PPP6R2: variants seen among roughly 807,000 people sequenced by gnomAD.
PPP6R2 encodes the protein serine/threonine-protein phosphatase 6 regulatory subunit 2.
PPP6R2 carries 62 observed loss-of-function variants against 100.2 expected under a neutral mutation model. The ratio of observed to expected loss-of-function variants is 0.62; its 90% CI spans 0.50 to 0.76. The LOEUF is 0.76. Among genes scored for constraint, PPP6R2 ranks in the 30% least tolerant of loss-of-function variants. PPP6R2 has a pLI of 0.00. For missense variants in PPP6R2, 1,142 were observed against 1,276.3 expected, an observed-to-expected ratio of 0.89 and a Z score of 1.60; for synonymous variants, 525 against 514.7, an observed-to-expected ratio of 1.02 and a Z score of -0.27.
In PPP6R2 at chr22:50,394,142, A is replaced by T. The variant is rs755626521; in HGVS notation, c.227+7A>T. 6.2e-7 allele frequency: 1 copy of T among 1,612,770 alleles called. No homozygotes were observed. Among genetic ancestry groups the T allele is most frequent in the East Asian group, 2.2e-5 (1 of 44,854 alleles). The stretch of plus-strand genomic sequence containing the variant: ...AGGAGAAGGTCCGCTTCAAGTATGT[A>T]CCAAAGCTGTGACGGGCCAGTACGC... On this transcript the variant is annotated splice_region_variant and intron_variant, in intron 3 of 23. Coordinates refer to ENST00000612753, the MANE Select transcript of PPP6R2 (RefSeq NM_001242898.2).
At position 50,369,849 on chromosome 22, in the gene PPP6R2, C is replaced by G. The variant is rs531910158; in HGVS notation, c.-147-2171C>G. Among the ~76,000 whole-genome samples, 22 of 151,820 alleles carry G rather than the reference C, an allele frequency of 1.4e-4. 1 individual carries two copies. In the South Asian group the frequency reaches 2.5e-3, roughly 17 times the overall value. On this transcript the variant is annotated intron_variant, in intron 1 of 23. Transcript: ENST00000612753. The stretch of plus-strand genomic sequence containing the variant: ...CTCCTGTGCTCAAGCAGTCCTCCCA[C>G]TCAGCCTCCCAAGTATCTGGGACCA...
At chr22:50,347,537 G>A (rs1039914676) in intron 1 of PPP6R2, among the ~76,000 whole-genome samples, 12 of 150,378 alleles carry the variant, frequency 8.0e-5, no homozygotes, top group Non-Finnish European at 1.0e-4. Context: ...ACTGTCCCCC[G>A]ACCTGCCACT....
At chr22:50,424,174 G>A (rs1304469422) in intron 10 of PPP6R2, among the ~76,000 whole-genome samples, 2 of 152,202 alleles carry the variant, frequency 1.3e-5, no homozygotes, top group Non-Finnish European at 2.9e-5. Context: ...AGAGCATGAG[G>A]CTGCTCCCCT....
At chr22:50,352,187 C>T (rs889482433) in intron 1 of PPP6R2, among the ~76,000 whole-genome samples, 3 of 151,018 alleles carry the variant, frequency 2.0e-5, no homozygotes, top group South Asian at 2.1e-4. Context: ...GTGATCCTTC[C>T]GCCTCGGCCT....
At chr22:50,337,213 GTGT>G in the PPP6R2 span, among the ~76,000 whole-genome samples, 1 of 49,700 alleles carries the variant, frequency 2.0e-5, no homozygotes, top group African/African-American at 2.0e-4. Flanking sequence ...GGTATAGTGT[GTGT>G]GGGGTATGTG....
chr22:50,336,875 T>A, the PPP6R2 span, among the ~76,000 whole-genome samples: 1 of 151,788 alleles, frequency 6.6e-6, no homozygotes, highest in Non-Finnish European at 1.5e-5. Context: ...CCCAGCTAAT[T>A]TTAAAAATTT....
intron 1 of PPP6R2, among the ~76,000 whole-genome samples, chr22:50,350,593 C>T (rs2044841029): frequency 6.6e-6 from 1 of 151,698 alleles, no homozygotes; most frequent in African/African-American, 2.4e-5. Flanking sequence ...CGCCTGTAAT[C>T]CCAGCACTTT....
chr22:50,341,948 G>A (rs1002641205), upstream of PPP6R2, among the ~76,000 whole-genome samples: 2 of 151,418 alleles, frequency 1.3e-5, no homozygotes, highest in Non-Finnish European at 2.9e-5. Context: ...AGCCGAGATC[G>A]CGCCACTGCA....
intron 1 of PPP6R2, among the ~76,000 whole-genome samples, chr22:50,365,551 C>T (rs1013761958): frequency 1.1e-4 from 16 of 151,520 alleles, no homozygotes; most frequent in African/African-American, 3.4e-4. Flanking sequence ...TGGTGGCGGG[C>T]GCCTGTAGTC....
At chr22:50,351,029 T>G (rs769961645) in intron 1 of PPP6R2, among the ~76,000 whole-genome samples, 20,011 of 101,348 alleles carry the variant, frequency 0.2, 2,645 homozygotes, top group South Asian at 0.41. Flanking sequence ...CAACAGTGTT[T>G]TTTTTTTTTT....
At chr22:50,405,126 G>A (rs1391816340) in intron 3 of PPP6R2, among the ~76,000 whole-genome samples, 2 of 152,220 alleles carry the variant, frequency 1.3e-5, no homozygotes, top group African/African-American at 4.8e-5. Context: ...GGGATGGAGT[G>A]GTCTGTGTTT....
intron 18 of PPP6R2, 149 bp downstream of exon 18, chr22:50,438,447 A>C: frequency 6.9e-7 from 1 of 1,444,936 alleles, no homozygotes; most frequent in South Asian, 1.3e-5. Flanking sequence ...GGGTGACCCT[A>C]AGGAGCCCAG....
intron 1 of PPP6R2, among the ~76,000 whole-genome samples, chr22:50,356,697 G>C (rs1396938792): frequency 1.3e-5 from 2 of 152,026 alleles, no homozygotes; most frequent in Non-Finnish European, 2.9e-5. Flanking sequence ...CACTTTAAAG[G>C]AGGCCGAGGC....
chr22:50,342,028 A>AC (rs2042456647), upstream of PPP6R2, among the ~76,000 whole-genome samples: 1 of 150,018 alleles, frequency 6.7e-6, no homozygotes, highest in African/African-American at 2.4e-5. Context: ...GCTCCTGCTC[A>AC]CCCCAGTTGC....
chr22:50,412,593 C>G (rs1211958565), intron 4 of PPP6R2, among the ~76,000 whole-genome samples: 1 of 139,726 alleles, frequency 7.2e-6, no homozygotes, highest in South Asian at 2.3e-4. Flanking sequence ...TGTTCTGGAA[C>G]TATTCTGATT....
intron 3 of PPP6R2, among the ~76,000 whole-genome samples, chr22:50,396,225 G>A (rs1262391543): frequency 7.5e-6 from 1 of 132,530 alleles, no homozygotes; most frequent in Non-Finnish European, 1.6e-5. Context: ...AGCCGGGTGT[G>A]GTGGCTCACA....
intron 2 of PPP6R2, among the ~76,000 whole-genome samples, chr22:50,392,561 G>A (rs1378049536): frequency 6.6e-6 from 1 of 152,196 alleles, no homozygotes; most frequent in East Asian, 1.9e-4. Flanking sequence ...GTCGCGTGCT[G>A]GGGAGCCTGT....
intron 22 of PPP6R2, among the ~76,000 whole-genome samples, chr22:50,442,779 C>G (rs2065990586): frequency 2.0e-5 from 3 of 151,732 alleles, no homozygotes; most frequent in Admixed American, 2.0e-4. Flanking sequence ...GTCTCGATCT[C>G]CTGACCTCAT....
At chr22:50,419,929 G>A (rs930569440) in intron 8 of PPP6R2, among the ~76,000 whole-genome samples, 3 of 152,244 alleles carry the variant, frequency 2.0e-5, no homozygotes, top group Non-Finnish European at 4.4e-5. Flanking sequence ...CCCACGGGTC[G>A]GCACCGCCTG....
Sources: allele counts gnomAD v4.1 joint callset (sites outside exome capture counted in the v4.1 genomes callset), GRCh38; gene constraint gnomAD v4.1.1; transcripts MANE v1.5; gene names NCBI Gene and HGNC (gene_info 2026-07-23, HGNC 2026-07-21).